Variants in SFRP1 observed in about 807,000 individuals in gnomAD.
The protein encoded by SFRP1 is secreted frizzled related protein 1.
In SFRP1, 9 loss-of-function variants were observed where a neutral mutation model predicts 25.9. The observed-to-expected ratio is 0.35, with a 90% CI of 0.21 to 0.61. The LOEUF (loss-of-function observed/expected upper bound fraction) is 0.61. Ranked by LOEUF, SFRP1 falls within the 20% of genes least tolerant of loss-of-function variation. SFRP1 has a pLI of 0.78. For missense variants in SFRP1, 346 were observed against 418.2 expected (o/e 0.83, Z 1.51); for synonymous variants, 178 against 174.0 (o/e 1.02, Z -0.18).
At chr8:41,267,121 C>T (rs1157154760) in intron 2 of SFRP1, among the ~76,000 whole-genome samples, 2 of 152,210 alleles carry the variant, frequency 1.3e-5, no homozygotes, top group Admixed American at 1.3e-4. Context: ...CTGGTGAAGT[C>T]CTAATTGATA....
intron 2 of SFRP1, among the ~76,000 whole-genome samples, chr8:41,276,560 G>A (rs550551468): frequency 1.1e-4 from 17 of 152,238 alleles, no homozygotes; most frequent in Admixed American, 7.2e-4. Flanking sequence ...ATAACTCAGC[G>A]TCTCTCCCCT....
At chr8:41,275,259 G>C (rs781341255) in intron 2 of SFRP1, 4 of 429,890 alleles carry the variant, frequency 9.3e-6, no homozygotes, top group Non-Finnish European at 1.4e-5. Context: ...AGAGCGAGAG[G>C]GGATGAATGG....
intron 2 of SFRP1, among the ~76,000 whole-genome samples, chr8:41,271,802 CA>C (rs1270326649): frequency 1.0e-3 from 145 of 142,788 alleles, no homozygotes; most frequent in Admixed American, 1.0e-3. Context: ...CCATCTCTAC[CA>C]AAAAAAAAAA....
In SFRP1 at chr8:41,309,055, G is replaced by A. The variant is rs751302257; in HGVS notation, c.105C>T (p.Asp35=). The stretch of plus-strand genomic sequence containing the variant: ...CGATGTCCGACTGGAAGCTCACGTA[G>A]TCGTACTCGCTGGCCGAGCCCACGG... The part of the protein sequence containing the change: ...LLAVGSASEY[D]YVSFQSDIGP... Residue 35 remains aspartate, a synonymous_variant, in exon 1 of 3, where the codon GAC becomes GAT. Transcript: ENST00000220772. The A allele has an allele frequency of 6.2e-7, 1 of 1,604,282 alleles. No homozygotes were observed. The highest frequency in any genetic ancestry group is 8.5e-7 in the Non-Finnish European group (1 of 1,179,624).
chr8:41,283,138 CAATATCTTTATT>C (rs1463029394), intron 2 of SFRP1, among the ~76,000 whole-genome samples: 4 of 152,154 alleles, frequency 2.6e-5, no homozygotes. Context: ...ATGTAGATTT[CAATATCTTTATT>C]AAGTTTCAGG....
chr8:41,308,591 C>T lies in SFRP1; in HGVS notation c.544+25G>A, dbSNP rs567168602. The T allele has an allele frequency of 3.9e-6, 6 of 1,537,380 alleles. No homozygotes were observed. In the Admixed American group the frequency reaches 9.3e-5, roughly 24 times the overall value. ...GCCGGGGGATGGAGGGGGCGGCTCGCGCACGTGGGAGGAGGCAGCCTTACC... is the reference window on the plus strand; with the variant it reads ...GCCGGGGGATGGAGGGGGCGGCTCGTGCACGTGGGAGGAGGCAGCCTTACC... On this transcript the variant is annotated intron_variant, in intron 1 of 2. Transcript: ENST00000220772.
intron 2 of SFRP1, among the ~76,000 whole-genome samples, chr8:41,296,874 CCCT>C (rs1372095951): frequency 1.8e-4 from 28 of 152,294 alleles, no homozygotes; most frequent in African/African-American, 6.3e-4. Context: ...CCGCATTCAG[CCCT>C]CATCACTGTC....
At chr8:41,297,744 A>C (rs538673909) in intron 2 of SFRP1, among the ~76,000 whole-genome samples, 19 of 152,210 alleles carry the variant, frequency 1.2e-4, no homozygotes, top group African/African-American at 4.6e-4. Context: ...TGTCTCGCCC[A>C]GAGCCTGTGT....
chr8:41,292,376 A>T (rs1035079236), intron 2 of SFRP1, among the ~76,000 whole-genome samples: 2 of 152,154 alleles, frequency 1.3e-5, no homozygotes, highest in African/African-American at 4.8e-5. Context: ...TGTTCTCACG[A>T]GAGTGAGTTC....
intron 2 of SFRP1, among the ~76,000 whole-genome samples, chr8:41,290,973 C>T (rs745832930): frequency 4.8e-5 from 6 of 125,932 alleles, no homozygotes; most frequent in Non-Finnish European, 7.9e-5. Flanking sequence ...GTGGCGCGAT[C>T]TCGGCTCACT....
chr8:41,308,306 G>T (rs1419107507), intron 1 of SFRP1, among the ~76,000 whole-genome samples: 1 of 152,272 alleles, frequency 6.6e-6, no homozygotes, highest in Non-Finnish European at 1.5e-5. Context: ...TCAGGTATGG[G>T]AAAGGCGAAG....
intron 2 of SFRP1, among the ~76,000 whole-genome samples, chr8:41,284,211 A>C (rs1803670158): frequency 6.6e-6 from 1 of 152,090 alleles, no homozygotes; most frequent in Non-Finnish European, 1.5e-5. Context: ...GAAGAGGAGA[A>C]GGAGAACGGC....
At chr8:41,300,734 C>T (rs757751019) in intron 2 of SFRP1, among the ~76,000 whole-genome samples, 7 of 152,132 alleles carry the variant, frequency 4.6e-5, no homozygotes, top group Non-Finnish European at 2.9e-5. Flanking sequence ...AGAGTGGCAC[C>T]CTGTTGTCAC....
chr8:41,269,237 T>C (rs1360184446), intron 2 of SFRP1, among the ~76,000 whole-genome samples: 2 of 152,138 alleles, frequency 1.3e-5, no homozygotes, highest in Non-Finnish European at 2.9e-5. Context: ...GACCCTAATC[T>C]AAAACCAAAC....
chr8:41,278,117 A>G (rs2117490211), intron 2 of SFRP1, among the ~76,000 whole-genome samples: 1 of 152,252 alleles, frequency 6.6e-6, no homozygotes, highest in East Asian at 1.9e-4. Context: ...CAGCCCCCCA[A>G]ACCCACTGGA....
At chr8:41,292,469 C>A (rs1372772475) in intron 2 of SFRP1, among the ~76,000 whole-genome samples, 1 of 152,172 alleles carries the variant, frequency 6.6e-6, no homozygotes, top group Non-Finnish European at 1.5e-5. Flanking sequence ...ATAAGATGTG[C>A]CTGCTTCCCT....
At chr8:41,299,917 A>G (rs145977025) in intron 2 of SFRP1, among the ~76,000 whole-genome samples, 19 of 152,278 alleles carry the variant, frequency 1.2e-4, no homozygotes, top group South Asian at 2.1e-4. Context: ...CACAATTAAC[A>G]GGCATCTCCC....
chr8:41,297,006 T>C (rs1238678829), intron 2 of SFRP1, among the ~76,000 whole-genome samples: 1 of 152,226 alleles, frequency 6.6e-6, no homozygotes, highest in Non-Finnish European at 1.5e-5. Flanking sequence ...TTATTGTGAA[T>C]TACAGCACCT....
intron 2 of SFRP1, among the ~76,000 whole-genome samples, chr8:41,277,401 G>A (rs760781402): frequency 1.3e-5 from 2 of 152,210 alleles, no homozygotes; most frequent in Non-Finnish European, 2.9e-5. Flanking sequence ...ACTTCCTGGT[G>A]TTTGCCCAAA....
Sources: gnomAD v4.1 joint callset for allele counts (sites outside exome capture counted in the v4.1 genomes callset) on GRCh38, gnomAD v4.1.1 for gene constraint, MANE v1.5 for transcripts, NCBI Gene and HGNC (gene_info 2026-07-23, HGNC 2026-07-21) for gene names.